The following PCCB variants were observed in gnomAD, a reference collection of about 807,000 sequenced individuals.
The protein encoded by PCCB is propionyl-CoA carboxylase subunit beta.
Under a neutral mutation model 60.7 loss-of-function variants are expected in PCCB, and 43 were observed. The observed-to-expected ratio is 0.71, with a 90% CI of 0.55 to 0.91. The LOEUF (loss-of-function observed/expected upper bound fraction) is 0.91. Ranked by LOEUF, PCCB falls within the 40% of genes least tolerant of loss-of-function variation. PCCB has a pLI of 0.00. For missense variants in PCCB, 766 were observed against 702.8 expected (o/e 1.09, Z -1.02); for synonymous variants, 276 against 255.9 (o/e 1.08, Z -0.75).
intron 3 of PCCB, chr3:136,260,069 T>G: frequency 1.9e-5 from 5 of 256,910 alleles, no homozygotes; most frequent in South Asian, 8.9e-5. Flanking sequence ...TTTGTTTTGT[T>G]TTGTTTTGTT....
chr3:136,274,037 C>G (rs555301376), intron 5 of PCCB, among the ~76,000 whole-genome samples: 1 of 150,870 alleles, frequency 6.6e-6, no homozygotes, highest in Admixed American at 6.6e-5. Context: ...TTAGATGACT[C>G]TCTTGAAGAC....
intron 7 of PCCB, among the ~76,000 whole-genome samples, chr3:136,296,463 A>G (rs1297295790): frequency 6.6e-6 from 1 of 152,250 alleles, no homozygotes; most frequent in Non-Finnish European, 1.5e-5. Flanking sequence ...TTATGGCCGA[A>G]TAATATTCCA....
At chr3:136,259,143 A>G in intron 3 of PCCB, 1 of 1,462,840 alleles carries the variant, frequency 6.8e-7, no homozygotes, top group Non-Finnish European at 9.0e-7. Flanking sequence ...GAGAGCTCTG[A>G]TTCTTGTTTT....
intron 5 of PCCB, among the ~76,000 whole-genome samples, chr3:136,272,893 A>G (rs980850061): frequency 5.3e-5 from 8 of 151,896 alleles, no homozygotes; most frequent in African/African-American, 1.9e-4. Flanking sequence ...TCTCTGGTTC[A>G]TTGAGGTGAG....
At chr3:136,323,823 A>AAC (rs1935195054) in intron 10 of PCCB, among the ~76,000 whole-genome samples, 3 of 151,048 alleles carry the variant, frequency 2.0e-5, no homozygotes, top group South Asian at 4.2e-4. Flanking sequence ...AAAAAAAAAA[A>AAC]CCCACTAGTA....
At chr3:136,314,473 G>T (rs148477051) in intron 9 of PCCB, among the ~76,000 whole-genome samples, 1 of 152,020 alleles carries the variant, frequency 6.6e-6, no homozygotes, top group African/African-American at 2.4e-5. Context: ...CGGCCAATAC[G>T]GTGAAACCCT....
In PCCB at chr3:136,327,727, G is replaced by A. The variant is rs774232001; in HGVS notation, c.1393G>A (p.Ala465Thr). 1.1e-5 allele frequency: 17 copies of A among 1,612,466 alleles called. No individual in the cohort carries two copies. Among genetic ancestry groups the A allele is most frequent in the Non-Finnish European group, 1.4e-5 (17 of 1,178,696 alleles). The change falls in exon 13 of 15, where the codon GCA becomes ACA. Residue 465 changes from alanine (A) to threonine (T), a missense_variant. Ala to Thr is a moderately conservative substitution (Grantham distance 58, BLOSUM62 0). Transcript: ENST00000251654. ...WPTAEIAVMG[A>T]KGAVEIIFKG... Reference sequence around the variant, plus strand: ...CACCGCAGAGATTGCAGTCATGGGAGCAAAGGTGAGGGCCTCTTGCTTTTC... The same window carrying A: ...CACCGCAGAGATTGCAGTCATGGGAACAAAGGTGAGGGCCTCTTGCTTTTC...
chr3:136,312,202 G>C (rs1339802830), intron 9 of PCCB, among the ~76,000 whole-genome samples: 1 of 152,232 alleles, frequency 6.6e-6, no homozygotes, highest in Non-Finnish European at 1.5e-5. Context: ...TCATTAGGCA[G>C]TTTCTTTGTG....
Position 136,306,045 on chromosome 3 carries a change from A to G in PCCB, c.966+4934A>G, listed in dbSNP as rs1279802832. ...ATTAGTCACCCATGAACTAAACTGC[A>G]CTTTGCTATACTGACAGAAGAGGGT... On this transcript the variant is annotated intron_variant, in intron 9 of 14. Transcript: ENST00000251654. Among the ~76,000 whole-genome samples, 3 of 122,894 alleles carry G rather than the reference A, an allele frequency of 2.4e-5. 1 individual carries two copies. The highest frequency in any genetic ancestry group is 5.4e-5 in the Non-Finnish European group (3 of 55,052). The allele number at this position is 122,894 out of a possible 152,430, so 80.6% of individuals were successfully genotyped here.
At chr3:136,295,317 G>A (rs1459596283) in intron 7 of PCCB, among the ~76,000 whole-genome samples, 6 of 152,190 alleles carry the variant, frequency 3.9e-5, no homozygotes, top group Non-Finnish European at 8.8e-5. Context: ...TCTTATCAGT[G>A]AAGTCTTAGA....
At chr3:136,316,579 G>C (rs1934904073) in intron 9 of PCCB, among the ~76,000 whole-genome samples, 1 of 152,148 alleles carries the variant, frequency 6.6e-6, no homozygotes, top group South Asian at 2.1e-4. Flanking sequence ...ACCTCCCAAA[G>C]TGCTAAGATT....
chr3:136,289,290 A>G (rs1047012953), intron 6 of PCCB, among the ~76,000 whole-genome samples: 13 of 152,126 alleles, frequency 8.5e-5, no homozygotes, highest in African/African-American at 2.7e-4. Flanking sequence ...TGCTATCAGT[A>G]TTTGCCTCAT....
intron 5 of PCCB, among the ~76,000 whole-genome samples, chr3:136,271,386 A>G (rs537474026): frequency 6.6e-6 from 1 of 152,156 alleles, no homozygotes; most frequent in African/African-American, 2.4e-5. Flanking sequence ...TCTGTGAAAA[A>G]TGATGATGGT....
intron 5 of PCCB, among the ~76,000 whole-genome samples, chr3:136,274,471 G>A (rs1428287837): frequency 1.3e-5 from 2 of 152,174 alleles, no homozygotes; most frequent in Non-Finnish European, 2.9e-5. Flanking sequence ...TAGCTTGTAA[G>A]GTTTCTGCTG....
At chr3:136,299,524 G>A (rs1934115555) in intron 8 of PCCB, among the ~76,000 whole-genome samples, 1 of 127,528 alleles carries the variant, frequency 7.8e-6, no homozygotes, top group African/African-American at 3.6e-5. Flanking sequence ...GCATGTGTAT[G>A]TATGTATATG....
At chr3:136,287,912 G>A (rs544161174) in intron 6 of PCCB, among the ~76,000 whole-genome samples, 1 of 152,222 alleles carries the variant, frequency 6.6e-6, no homozygotes, top group South Asian at 2.1e-4. Context: ...GCAATCTTAG[G>A]TCATAGGATA....
intron 12 of PCCB, 74 bp from the exon 13 acceptor site, chr3:136,327,559 TG>T: frequency 8.7e-7 from 1 of 1,152,724 alleles, no homozygotes; most frequent in Non-Finnish European, 1.3e-6. Context: ...CAATTTTACC[TG>T]GTTTCCTGGG....
In PCCB at chr3:136,327,148, T is replaced by C. The variant is rs1935349481; in HGVS notation, c.1199-7T>C. The stretch of plus-strand genomic sequence containing the variant: ...GTGGGTATCTAGTAACTCTTCCTCA[T>C]GTCTAGGCACAGCACAGGAATACGG... On this transcript the variant is annotated splice_region_variant and splice_polypyrimidine_tract_variant and intron_variant, in intron 11 of 14. Transcript: ENST00000251654. The C allele has an allele frequency of 6.2e-7, 1 of 1,613,572 alleles. No individual in the cohort carries two copies. Among genetic ancestry groups the C allele is most frequent in the Non-Finnish European group, 8.5e-7 (1 of 1,179,504 alleles).
intron 5 of PCCB, among the ~76,000 whole-genome samples, chr3:136,266,480 G>A (rs925469368): frequency 6.6e-6 from 1 of 152,030 alleles, no homozygotes; most frequent in African/African-American, 2.4e-5. Flanking sequence ...GGAGTACAGT[G>A]GCATGATCAC....
Sources: gnomAD v4.1 joint callset for allele counts (sites outside exome capture counted in the v4.1 genomes callset) on GRCh38, gnomAD v4.1.1 for gene constraint, MANE v1.5 for transcripts, NCBI Gene and HGNC (gene_info 2026-07-23, HGNC 2026-07-21) for gene names.